PTPRM: variants seen among roughly 807,000 people sequenced by gnomAD.
The protein encoded by PTPRM is protein tyrosine phosphatase receptor type M, also known as receptor-type tyrosine-protein phosphatase mu.
Under a neutral mutation model 186.7 loss-of-function variants are expected in PTPRM, and 47 were observed. The ratio of observed to expected loss-of-function variants is 0.25; its 90% CI spans 0.20 to 0.32. The LOEUF (loss-of-function observed/expected upper bound fraction) is 0.32, where lower values mean the gene tolerates loss of function less well. Among genes scored for constraint, PTPRM ranks in the 10% least tolerant of loss-of-function variants. The probability of loss-of-function intolerance (pLI) is 1.00; values close to 1 mark genes in which losing one functional copy is unlikely to be tolerated. For synonymous variants in PTPRM, 668 were observed against 674.9 expected (o/e 0.99, Z 0.16); for missense variants, 1,494 against 1,865.0 (o/e 0.80, Z 3.66).
chr18:7,572,644 T>C (rs867310686), intron 1 of PTPRM, among the ~76,000 whole-genome samples: 3 of 152,234 alleles, frequency 2.0e-5, no homozygotes, highest in African/African-American at 7.2e-5. Context: ...ATGAGTTTTA[T>C]GCTTTTCAAC....
chr18:8,037,079 GA>G (rs1435674655), intron 7 of PTPRM, among the ~76,000 whole-genome samples: 3 of 152,200 alleles, frequency 2.0e-5, no homozygotes, highest in Non-Finnish European at 4.4e-5. Context: ...TGGACAGAAT[GA>G]TCTGGTGTTG....
intron 1 of PTPRM, among the ~76,000 whole-genome samples, chr18:7,615,033 TG>T (rs2037768413): frequency 6.6e-6 from 1 of 152,108 alleles, no homozygotes; most frequent in Admixed American, 6.5e-5. Flanking sequence ...ATTTACCGAG[TG>T]GCTTTTTTCT....
intron 3 of PTPRM, among the ~76,000 whole-genome samples, chr18:7,900,545 G>T (rs1238575639): frequency 6.8e-6 from 1 of 146,334 alleles, no homozygotes; most frequent in Non-Finnish European, 1.5e-5. Context: ...ACATTAAAAG[G>T]TGTGTGTGTG....
intron 20 of PTPRM, among the ~76,000 whole-genome samples, chr18:8,302,059 C>T (rs2095164232): frequency 6.6e-6 from 1 of 152,158 alleles, no homozygotes. Context: ...TGACAGGGCA[C>T]CTGCCCTCCT....
intron 1 of PTPRM, among the ~76,000 whole-genome samples, chr18:7,576,578 C>G (rs2036692863): frequency 6.6e-6 from 1 of 152,144 alleles, no homozygotes; most frequent in Non-Finnish European, 1.5e-5. Flanking sequence ...TGGGCTCAAG[C>G]AGTCCTCCCA....
intron 7 of PTPRM, among the ~76,000 whole-genome samples, chr18:8,038,404 T>TTAAA (rs1391816132): frequency 2.1e-5 from 3 of 142,894 alleles, no homozygotes; most frequent in African/African-American, 7.8e-5. Flanking sequence ...TTTTTTGGTG[T>TTAAA]TATTTGAGAC....
At chr18:7,581,335 A>G (rs546966619) in intron 1 of PTPRM, among the ~76,000 whole-genome samples, 4 of 152,282 alleles carry the variant, frequency 2.6e-5, no homozygotes, top group African/African-American at 9.6e-5. Context: ...CTCATGGTAC[A>G]ACTCACTCCT....
At chr18:7,697,970 C>T (rs2039880260) in intron 1 of PTPRM, among the ~76,000 whole-genome samples, 1 of 152,190 alleles carries the variant, frequency 6.6e-6, no homozygotes, top group Non-Finnish European at 1.5e-5. Context: ...TCATTTTGTT[C>T]TGTTGTAGTC....
intron 23 of PTPRM, among the ~76,000 whole-genome samples, chr18:8,354,390 G>A (rs1011374437): frequency 1.3e-5 from 2 of 152,050 alleles, no homozygotes. Flanking sequence ...AAGAGGAATA[G>A]GGCGAGAACA....
chr18:8,349,833 A>G (rs1029055182), intron 23 of PTPRM, among the ~76,000 whole-genome samples: 1 of 152,238 alleles, frequency 6.6e-6, no homozygotes, highest in Admixed American at 6.5e-5. Flanking sequence ...CCTCCAGTGC[A>G]GCTTGGGAAT....
chr18:8,227,956 T>C (rs12954626), intron 14 of PTPRM, among the ~76,000 whole-genome samples: 23,931 of 152,220 alleles, frequency 0.16, 2,040 homozygotes, highest in Non-Finnish European at 0.2. Flanking sequence ...TGGATTCATA[T>C]TGCTGTGATG....
chr18:7,713,596 AC>A (rs2040258135), intron 1 of PTPRM, among the ~76,000 whole-genome samples: 2 of 151,836 alleles, frequency 1.3e-5, no homozygotes, highest in Non-Finnish European at 2.9e-5. Context: ...AAGAGTCAAG[AC>A]CCATCAGTGT....
chr18:8,403,601 T>C (rs539760625), intron 32 of PTPRM: 27 of 152,296 alleles, frequency 1.8e-4, no homozygotes, highest in African/African-American at 5.5e-4. Flanking sequence ...TTTTAAAGTG[T>C]GTCATTCACT....
chr18:8,032,638 A>T (rs1026213772), intron 7 of PTPRM, among the ~76,000 whole-genome samples: 2 of 152,182 alleles, frequency 1.3e-5, no homozygotes, highest in African/African-American at 4.8e-5. Context: ...AATTATGGGC[A>T]TGTGAAACTA....
chr18:7,676,148 A>G (rs1019034417), intron 1 of PTPRM, among the ~76,000 whole-genome samples: 2 of 152,166 alleles, frequency 1.3e-5, no homozygotes, highest in Non-Finnish European at 2.9e-5. Flanking sequence ...AGTGGACTCT[A>G]GACTTTTAGA....
chr18:7,793,105 A>G (rs2043426943), intron 2 of PTPRM, among the ~76,000 whole-genome samples: 1 of 152,230 alleles, frequency 6.6e-6, no homozygotes, highest in South Asian at 2.1e-4. Flanking sequence ...AATAATAAAT[A>G]TATTCCCAGA....
chr18:7,830,806 C>T (rs1357237006), intron 2 of PTPRM, among the ~76,000 whole-genome samples: 2 of 152,152 alleles, frequency 1.3e-5, no homozygotes, highest in Admixed American at 6.5e-5. Flanking sequence ...CCAACACACA[C>T]CCGAAAGCAT....
At chr18:7,641,887 C>A (rs1025685449) in intron 1 of PTPRM, among the ~76,000 whole-genome samples, 1 of 152,100 alleles carries the variant, frequency 6.6e-6, no homozygotes, top group African/African-American at 2.4e-5. Flanking sequence ...GATGAGGAAA[C>A]TGAGGCCTGG....
At chr18:7,666,350 G>A (rs1047663936) in intron 1 of PTPRM, among the ~76,000 whole-genome samples, 1 of 152,244 alleles carries the variant, frequency 6.6e-6, no homozygotes, top group Admixed American at 6.5e-5. Flanking sequence ...AGGAAAACAC[G>A]AATGATAACA....
Sources: allele counts gnomAD v4.1 joint callset (sites outside exome capture counted in the v4.1 genomes callset), GRCh38; gene constraint gnomAD v4.1.1; transcripts MANE v1.5; gene names NCBI Gene and HGNC (gene_info 2026-07-23, HGNC 2026-07-21).